TBC1D5: variants seen among roughly 807,000 people sequenced by gnomAD.
TBC1D5 encodes the protein TBC1 domain family, member 5.
In TBC1D5, 75 loss-of-function variants were observed where a neutral mutation model predicts 100.3. That is an observed-to-expected ratio of 0.75 (90% confidence interval 0.62 to 0.91). TBC1D5 has a LOEUF of 0.91. Among genes scored for constraint, TBC1D5 ranks in the 40% least tolerant of loss-of-function variants. The probability of loss-of-function intolerance (pLI) is 0.00; values close to 1 mark genes in which losing one functional copy is unlikely to be tolerated. For missense variants in TBC1D5, 910 were observed against 942.4 expected, an observed-to-expected ratio of 0.97 and a Z score of 0.45; for synonymous variants, 323 against 325.6, an observed-to-expected ratio of 0.99 and a Z score of 0.09.
intron 13 of TBC1D5, among the ~76,000 whole-genome samples, chr3:17,368,124 A>G (rs997222918): frequency 2.2e-5 from 3 of 135,726 alleles, no homozygotes; most frequent in Non-Finnish European, 3.2e-5. Flanking sequence ...AGTTAAATAT[A>G]TAAGTAACAG....
intron 1 of TBC1D5, among the ~76,000 whole-genome samples, chr3:17,654,479 T>C (rs965485158): frequency 2.0e-5 from 3 of 152,228 alleles, no homozygotes; most frequent in African/African-American, 7.2e-5. Flanking sequence ...AACCCATACA[T>C]TGAACCAGCC....
At chr3:17,696,365 A>G (rs1227986938) in intron 1 of TBC1D5, among the ~76,000 whole-genome samples, 1 of 152,182 alleles carries the variant, frequency 6.6e-6, no homozygotes, top group Non-Finnish European at 1.5e-5. Flanking sequence ...AGACTAATAA[A>G]GAAGAAAGGA....
intron 2 of TBC1D5, among the ~76,000 whole-genome samples, chr3:17,584,866 C>A (rs772051526): frequency 6.6e-6 from 1 of 152,182 alleles, no homozygotes; most frequent in Non-Finnish European, 1.5e-5. Context: ...CCATGTTGGC[C>A]AGGCTGTTCT....
intron 13 of TBC1D5, among the ~76,000 whole-genome samples, chr3:17,351,599 G>A (rs867583753): frequency 1.1e-4 from 17 of 152,140 alleles, no homozygotes; most frequent in Admixed American, 2.6e-4. Context: ...AGCAAGGGGA[G>A]GGATAGCATT....
chr3:17,383,197 G>A (rs1462918336), intron 9 of TBC1D5, among the ~76,000 whole-genome samples: 5 of 151,594 alleles, frequency 3.3e-5, no homozygotes, highest in African/African-American at 9.7e-5. Context: ...AAGTTCAGTG[G>A]TCCTGAATTA....
chr3:17,467,308 CT>C (rs1177809993), intron 3 of TBC1D5, among the ~76,000 whole-genome samples: 12 of 87,894 alleles, frequency 1.4e-4, no homozygotes, highest in African/African-American at 5.1e-4. Context: ...TTTTTTTGAT[CT>C]TTTTTTTATT....
At chr3:17,350,002 C>T (rs550730600) in intron 13 of TBC1D5, among the ~76,000 whole-genome samples, 5 of 152,042 alleles carry the variant, frequency 3.3e-5, no homozygotes, top group South Asian at 4.2e-4. Context: ...TATTGTTGCC[C>T]GGGTGTTTCA....
intron 14 of TBC1D5, among the ~76,000 whole-genome samples, chr3:17,297,949 A>T (rs974163796): frequency 6.6e-6 from 1 of 152,124 alleles, no homozygotes; most frequent in African/African-American, 2.4e-5. Flanking sequence ...AAAGGTAAGT[A>T]CTCAGAATCA....
At chr3:17,484,510 C>T (rs771957208) in intron 3 of TBC1D5, among the ~76,000 whole-genome samples, 15 of 141,160 alleles carry the variant, frequency 1.1e-4, no homozygotes, top group Non-Finnish European at 1.8e-4. Flanking sequence ...ATCATAATTA[C>T]TCAAAGCATC....
At chr3:17,491,829 G>C (rs746157834) in intron 3 of TBC1D5, among the ~76,000 whole-genome samples, 1 of 152,142 alleles carries the variant, frequency 6.6e-6, no homozygotes, top group African/African-American at 2.4e-5. Flanking sequence ...GAGTTAGGGA[G>C]GAGTCCCTCC....
At chr3:17,565,167 A>C (rs2096585737) in intron 2 of TBC1D5, among the ~76,000 whole-genome samples, 1 of 152,174 alleles carries the variant, frequency 6.6e-6, no homozygotes, top group Non-Finnish European at 1.5e-5. Context: ...ACTGTCTAAA[A>C]ACATTGATTG....
intron 15 of TBC1D5, among the ~76,000 whole-genome samples, chr3:17,269,001 A>G (rs180851935): frequency 6.6e-6 from 1 of 152,316 alleles, no homozygotes; most frequent in Admixed American, 6.5e-5. Flanking sequence ...CAGGACCTAT[A>G]GGGATCCAGG....
intron 3 of TBC1D5, among the ~76,000 whole-genome samples, chr3:17,454,398 T>G (rs2149775010): frequency 6.6e-6 from 1 of 152,142 alleles, no homozygotes; most frequent in East Asian, 1.9e-4. Context: ...AAAAAACTAG[T>G]AGAACTGATA....
chr3:17,214,323 G>A (rs868858246), exon 18 of TBC1D5: 2 of 1,612,588 alleles, frequency 1.2e-6, no homozygotes, highest in African/African-American at 1.3e-5. Flanking sequence ...CTTCCTCCAG[G>A]CAAACTCTCA....
chr3:17,246,511 A>G (rs1220521940), intron 16 of TBC1D5, among the ~76,000 whole-genome samples: 2 of 152,368 alleles, frequency 1.3e-5, no homozygotes, highest in East Asian at 3.8e-4. Flanking sequence ...GCCTACTTAA[A>G]ATCAAGACTT....
chr3:17,422,216 A>G (rs1278097646), intron 4 of TBC1D5, among the ~76,000 whole-genome samples: 1 of 152,060 alleles, frequency 6.6e-6, no homozygotes, highest in Non-Finnish European at 1.5e-5. Context: ...TCACCCAGGC[A>G]GCAGCACAGT....
At chr3:17,268,994 G>A (rs1300774759) in intron 15 of TBC1D5, among the ~76,000 whole-genome samples, 1 of 152,042 alleles carries the variant, frequency 6.6e-6, no homozygotes, top group Non-Finnish European at 1.5e-5. Flanking sequence ...CTACCATCAG[G>A]ACCTATAGGG....
intron 2 of TBC1D5, among the ~76,000 whole-genome samples, chr3:17,543,639 AAAAAC>A (rs754496641): frequency 2.6e-5 from 4 of 152,122 alleles, no homozygotes; most frequent in African/African-American, 9.7e-5. Flanking sequence ...CCCCATCTCA[AAAAAC>A]AAAACAAAAC....
At chr3:17,375,577 A>T (rs999108795) in intron 10 of TBC1D5, among the ~76,000 whole-genome samples, 1 of 151,754 alleles carries the variant, frequency 6.6e-6, no homozygotes, top group Non-Finnish European at 1.5e-5. Flanking sequence ...AAAAAAAAAA[A>T]GGCATTACAA....
Sources: allele counts gnomAD v4.1 joint callset (sites outside exome capture counted in the v4.1 genomes callset), GRCh38; gene constraint gnomAD v4.1.1; transcripts MANE v1.5; gene names NCBI Gene and HGNC (gene_info 2026-07-23, HGNC 2026-07-21).